WASF3: variants seen among roughly 807,000 people sequenced by gnomAD.
WASF3 encodes actin-binding protein WASF3.
A neutral mutation model predicts 46.6 loss-of-function variants in WASF3; 11 were observed. The observed-to-expected ratio is 0.24, with a 90% CI of 0.15 to 0.39. The LOEUF (loss-of-function observed/expected upper bound fraction) is 0.39. Ranked by LOEUF, WASF3 falls within the 10% of genes least tolerant of loss-of-function variation. WASF3 has a pLI of 1.00. For synonymous variants in WASF3, 242 were observed against 259.7 expected, an observed-to-expected ratio of 0.93 and a Z score of 0.65; for missense variants, 576 against 669.8, an observed-to-expected ratio of 0.86 and a Z score of 1.55.
At chr13:26,615,254 C>T (rs887434887) in intron 2 of WASF3, among the ~76,000 whole-genome samples, 1 of 152,092 alleles carries the variant, frequency 6.6e-6, no homozygotes, top group Non-Finnish European at 1.5e-5. Flanking sequence ...TGATCTCCTA[C>T]TTTGTCATAC....
chr13:26,666,484 G>C (rs1373283919), intron 4 of WASF3, among the ~76,000 whole-genome samples: 1 of 152,146 alleles, frequency 6.6e-6, no homozygotes, highest in Admixed American at 6.6e-5. Flanking sequence ...TCTGTATTCT[G>C]TTTTGGTCTT....
At chr13:26,590,013 C>G in intron 1 of WASF3, among the ~76,000 whole-genome samples, 1 of 152,208 alleles carries the variant, frequency 6.6e-6, no homozygotes, top group South Asian at 2.1e-4. Flanking sequence ...TGTGTAACTT[C>G]CCCTTCCCCT....
chr13:26,633,999 A>G (rs1881737975), intron 2 of WASF3, among the ~76,000 whole-genome samples: 1 of 152,196 alleles, frequency 6.6e-6, no homozygotes, highest in African/African-American at 2.4e-5. Context: ...GTAGATGTCT[A>G]TTAGGTCCAC....
chr13:26,668,456 G>T (rs930855689), intron 5 of WASF3, among the ~76,000 whole-genome samples: 4 of 152,310 alleles, frequency 2.6e-5, no homozygotes, highest in Middle Eastern at 3.4e-3. Context: ...GTGGTGACCA[G>T]TGGTCCTCAC....
intron 1 of WASF3, among the ~76,000 whole-genome samples, chr13:26,559,534 AGT>A (rs1879211948): frequency 6.6e-6 from 1 of 152,216 alleles, no homozygotes; most frequent in South Asian, 2.1e-4. Context: ...ATCTCTTGTC[AGT>A]GTGTCTTTGT....
intron 2 of WASF3, among the ~76,000 whole-genome samples, chr13:26,625,260 A>T (rs1018577508): frequency 2.6e-5 from 4 of 152,104 alleles, no homozygotes; most frequent in Non-Finnish European, 5.9e-5. Flanking sequence ...AACATATAGG[A>T]TATATAGATT....
At chr13:26,598,662 G>A (rs1255844127) in intron 1 of WASF3, among the ~76,000 whole-genome samples, 1 of 152,056 alleles carries the variant, frequency 6.6e-6, no homozygotes, top group Non-Finnish European at 1.5e-5. Flanking sequence ...GTTTGTTTTC[G>A]GCAGTTTTCA....
Position 26,565,519 on chromosome 13 carries a change from G to T in WASF3, c.-109+7700G>T, listed in dbSNP as rs144597355. Among the ~76,000 whole-genome samples the T allele has an allele frequency of 5.7e-3, 860 of 152,208 alleles. 10 individuals carry two copies. The highest frequency in any genetic ancestry group is 0.02 in the African/African-American group (820 of 41,528). ...CATTTAAAAAAAACCAGCCCTGTAG[G>T]ATTTAAAACGTATCTCCATTCTTGG... is the stretch of plus-strand genomic sequence containing the variant. On this transcript the variant is annotated intron_variant, in intron 1 of 9. Coordinates refer to ENST00000335327, the MANE Select transcript of WASF3 (RefSeq NM_006646.6).
chr13:26,608,576 T>C (rs1053176131), intron 1 of WASF3, among the ~76,000 whole-genome samples: 1 of 152,182 alleles, frequency 6.6e-6, no homozygotes, highest in African/African-American at 2.4e-5. Context: ...CTATTTGACA[T>C]TGTTTTTGCC....
intron 1 of WASF3, among the ~76,000 whole-genome samples, chr13:26,608,339 CAG>C (rs773114288): frequency 5.3e-5 from 8 of 152,264 alleles, no homozygotes; most frequent in African/African-American, 1.7e-4. Context: ...ACTCAAAACT[CAG>C]AGAATTTCTC....
chr13:26,674,402 C>G (rs758973789), intron 6 of WASF3, among the ~76,000 whole-genome samples: 1 of 152,144 alleles, frequency 6.6e-6, no homozygotes. Context: ...CTTCCTCCCC[C>G]ACTTTTTTCC....
chr13:26,584,498 C>T lies in WASF3; in HGVS notation c.-109+26679C>T, dbSNP rs185496038. Among the ~76,000 whole-genome samples, 131 of 152,268 alleles carry T rather than the reference C, an allele frequency of 8.6e-4. 1 individual carries two copies. The highest frequency in any genetic ancestry group is 3.0e-3 in the African/African-American group (125 of 41,548). ...TTAATCTGTATTGGTAAACGCACTG[C>T]ACTTTATTGAGAGTTCTGGTCGTTA... On this transcript the variant is annotated intron_variant, in intron 1 of 9. Transcript: ENST00000335327.
the WASF3 span, among the ~76,000 whole-genome samples, chr13:26,546,933 C>G: frequency 6.6e-6 from 1 of 152,126 alleles, no homozygotes; most frequent in African/African-American, 2.4e-5. Context: ...CAAGCTCATG[C>G]TTTTCAAGGA....
the WASF3 span, among the ~76,000 whole-genome samples, chr13:26,548,792 T>A: frequency 6.6e-6 from 1 of 152,142 alleles, no homozygotes; most frequent in Non-Finnish European, 1.5e-5. Context: ...TTTCCAGCCC[T>A]GCAGTGCCCT....
chr13:26,609,534 A>G (rs1311161219), intron 1 of WASF3: 6 of 136,894 alleles, frequency 4.4e-5, no homozygotes, highest in South Asian at 2.3e-4. Context: ...GTGGTCTGTG[A>G]TTATTCTCTA....
chr13:26,649,013 T>G (rs1351380799), intron 3 of WASF3, among the ~76,000 whole-genome samples: 3 of 152,242 alleles, frequency 2.0e-5, no homozygotes, highest in African/African-American at 7.2e-5. Flanking sequence ...TAATGCATCA[T>G]AATTCTTAGG....
intron 1 of WASF3, among the ~76,000 whole-genome samples, chr13:26,595,949 G>A (rs1355473586): frequency 6.6e-6 from 1 of 152,156 alleles, no homozygotes; most frequent in Non-Finnish European, 1.5e-5. Flanking sequence ...AAGCTGCTAT[G>A]GACATTTGTG....
At chr13:26,609,632 T>G (rs1004375462) in intron 1 of WASF3, 2 of 152,094 alleles carry the variant, frequency 1.3e-5, no homozygotes, top group Non-Finnish European at 2.9e-5. Flanking sequence ...GTAGTAGTAG[T>G]TTAATACTTA....
intron 1 of WASF3, among the ~76,000 whole-genome samples, chr13:26,589,882 T>C (rs1310238669): frequency 6.6e-6 from 1 of 152,068 alleles, no homozygotes; most frequent in African/African-American, 2.4e-5. Context: ...CTGCTTCTTG[T>C]GTTAGTTTCT....
Sources: allele counts gnomAD v4.1 joint callset (sites outside exome capture counted in the v4.1 genomes callset), GRCh38; gene constraint gnomAD v4.1.1; transcripts MANE v1.5; gene names NCBI Gene and HGNC (gene_info 2026-07-23, HGNC 2026-07-21).